MTMR3: variants seen among roughly 807,000 people sequenced by gnomAD.
MTMR3 encodes phosphatidylinositol-3,5-bisphosphate 3-phosphatase MTMR3.
MTMR3 carries 32 observed loss-of-function variants against 132.4 expected under a neutral mutation model. The observed-to-expected ratio is 0.24, with a 90% CI of 0.18 to 0.32. The LOEUF (loss-of-function observed/expected upper bound fraction) is 0.32, where lower values mean the gene tolerates loss of function less well. MTMR3 is among the 10% of genes least tolerant of loss of function. MTMR3 has a pLI of 1.00. For missense variants in MTMR3, 1,216 were observed against 1,489.6 expected, an observed-to-expected ratio of 0.82 and a Z score of 3.02; for synonymous variants, 556 against 550.3, an observed-to-expected ratio of 1.01 and a Z score of -0.14.
At chr22:29,986,140 C>A in intron 5 of MTMR3, 1 of 152,342 alleles carries the variant, frequency 6.6e-6, no homozygotes, top group South Asian at 2.1e-4. Flanking sequence ...CCAGACTCTT[C>A]CCAGGCCCCA....
intron 1 of MTMR3, among the ~76,000 whole-genome samples, chr22:29,915,439 T>G (rs1196328073): frequency 6.6e-6 from 1 of 152,198 alleles, no homozygotes; most frequent in African/African-American, 2.4e-5. Flanking sequence ...GTTCATTCAT[T>G]GAGATGGAGT....
At chr22:30,021,931 C>T (rs1460626619) in intron 17 of MTMR3, 98 bp from the exon 18 acceptor site, 6 of 924,282 alleles carry the variant, frequency 6.5e-6, no homozygotes, top group African/African-American at 4.9e-5. Context: ...GCACTCGGCC[C>T]CACCCAGAGT....
chr22:29,923,948 A>T (rs751041284), intron 1 of MTMR3, among the ~76,000 whole-genome samples: 2 of 152,178 alleles, frequency 1.3e-5, no homozygotes, highest in Non-Finnish European at 2.9e-5. Context: ...ACATTCCTTA[A>T]CAGATATGTA....
intron 1 of MTMR3, among the ~76,000 whole-genome samples, chr22:29,915,964 A>C (rs1785157627): frequency 6.6e-6 from 1 of 152,128 alleles, no homozygotes; most frequent in Non-Finnish European, 1.5e-5. Flanking sequence ...CCTTTAACTT[A>C]CGACATTCTG....
intron 5 of MTMR3, chr22:29,980,330 C>T (rs1340036360): frequency 1.3e-5 from 2 of 152,058 alleles, no homozygotes; most frequent in Non-Finnish European, 2.9e-5. Flanking sequence ...TAGATTTGGG[C>T]CATGATTATA....
At chr22:29,891,839 T>G (rs1486563200) in intron 1 of MTMR3, among the ~76,000 whole-genome samples, 2 of 152,092 alleles carry the variant, frequency 1.3e-5, no homozygotes, top group African/African-American at 4.8e-5. Flanking sequence ...CCAGTTTAGT[T>G]GGATCATGAA....
rs139667893 is a variant in MTMR3, at chr22:29,979,164, G to A, written c.210+112G>A. 3.3e-3 allele frequency: 2,489 copies of A among 755,052 alleles called. 8 individuals are homozygous for A. Among genetic ancestry groups the A allele is most frequent in the Non-Finnish European group, 4.3e-3 (1,875 of 439,960 alleles). The allele number at this position is 755,052 out of a possible 1,614,324, so 46.8% of individuals were successfully genotyped here. A position where few individuals can be genotyped will look rare whatever the true frequency, so the allele number is the denominator to read the frequency against. On this transcript the variant is annotated intron_variant, in intron 5 of 19. Transcript: ENST00000401950. ...ACAGAATTGGGAGAGAAAGCATTATGTGCTCTGCTTTTCTCACTTAATTTA... is the reference window on the plus strand; with the variant it reads ...ACAGAATTGGGAGAGAAAGCATTATATGCTCTGCTTTTCTCACTTAATTTA...
intron 7 of MTMR3, chr22:29,994,735 T>G (rs1305132453): frequency 6.6e-6 from 1 of 152,160 alleles, no homozygotes; most frequent in Non-Finnish European, 1.5e-5. Context: ...AATGAGAAAA[T>G]TACATAATTG....
intron 1 of MTMR3, among the ~76,000 whole-genome samples, chr22:29,931,024 A>C (rs1295178393): frequency 1.3e-5 from 2 of 151,972 alleles, no homozygotes. Flanking sequence ...AAAAAAAAAA[A>C]AAAAAAAACT....
At chr22:29,998,025 C>T (rs1294728426) in intron 7 of MTMR3, 3 of 152,172 alleles carry the variant, frequency 2.0e-5, no homozygotes, top group Non-Finnish European at 2.9e-5. Context: ...TGTATTGCTA[C>T]TCGTGGTGAT....
chr22:29,993,573 C>T (rs912891337), intron 7 of MTMR3: 1 of 152,240 alleles, frequency 6.6e-6, no homozygotes, highest in African/African-American at 2.4e-5. Flanking sequence ...GGGTTGCCAG[C>T]ATTTACTCAG....
At chr22:29,969,218 C>G (rs918422242) in intron 2 of MTMR3, among the ~76,000 whole-genome samples, 1 of 152,156 alleles carries the variant, frequency 6.6e-6, no homozygotes, top group South Asian at 2.1e-4. Context: ...CTGCATGGCA[C>G]GAGAAGAATA....
Position 29,982,937 on chromosome 22 carries a change from TTGTGTGTGTGTGTGTGTGTGTGTG to T in MTMR3, c.210+3901_210+3924del, listed in dbSNP as rs144471515. ...AATTCATGAACGTTTAAAAGTTTGT[TTGTGTGTGTGTGTGTGTGTGTGTG>T]TGTGTGTGTGTGTGTATGTGTTTGT... is the stretch of plus-strand genomic sequence containing the variant. On this transcript the variant is annotated intron_variant, in intron 5 of 19. Coordinates refer to ENST00000401950, the MANE Select transcript of MTMR3 (RefSeq NM_021090.4). The T allele has an allele frequency of 8.5e-4, 125 of 146,388 alleles. 1 individual carries two copies. The highest frequency in any genetic ancestry group is 3.0e-3 in the African/African-American group (118 of 39,090). The allele number at this position is 146,388 out of a possible 1,614,324, so 9.1% of individuals were successfully genotyped here. A position where few individuals can be genotyped will look rare whatever the true frequency, so the allele number is the denominator to read the frequency against.
intron 1 of MTMR3, among the ~76,000 whole-genome samples, chr22:29,928,960 T>G (rs928481183): frequency 6.6e-6 from 1 of 152,136 alleles, no homozygotes; most frequent in Non-Finnish European, 1.5e-5. Flanking sequence ...CTTTAGCAGT[T>G]TTACCATTAT....
rs114763505 is a variant in MTMR3, at chr22:29,966,893, G to A, written c.-84-4083G>A. Among the ~76,000 whole-genome samples the A allele has an allele frequency of 4.5e-3, 681 of 152,078 alleles. 6 individuals are homozygous for A. Among genetic ancestry groups the A allele is most frequent in the African/African-American group, 0.015 (642 of 41,482 alleles). On this transcript the variant is annotated intron_variant, in intron 2 of 19. Transcript: ENST00000401950. ...AAATTATTTCATTTTTAGCTAGTGA[G>A]TCTCTTCAAATTGACTCCCAATTAT...
intron 1 of MTMR3, among the ~76,000 whole-genome samples, chr22:29,911,404 G>A (rs904475251): frequency 1.3e-5 from 2 of 152,068 alleles, no homozygotes; most frequent in African/African-American, 2.4e-5. Flanking sequence ...TTAGCCAGGT[G>A]TGGTAGCACA....
chr22:29,932,359 C>T (rs1371269535), intron 1 of MTMR3, among the ~76,000 whole-genome samples: 1 of 152,130 alleles, frequency 6.6e-6, no homozygotes, highest in African/African-American at 2.4e-5. Flanking sequence ...TGTCATCTGT[C>T]CCCAGAGTGC....
chr22:29,951,604 A>G (rs2066080657), intron 1 of MTMR3, among the ~76,000 whole-genome samples: 1 of 152,234 alleles, frequency 6.6e-6, no homozygotes, highest in Non-Finnish European at 1.5e-5. Flanking sequence ...TGGAAACGCC[A>G]CTAAATGAAG....
chr22:29,967,248 C>T (rs1299315251), intron 2 of MTMR3, among the ~76,000 whole-genome samples: 3 of 149,044 alleles, frequency 2.0e-5, no homozygotes, highest in Non-Finnish European at 4.4e-5. Context: ...CGCGCGCGCG[C>T]GCATGTTTTT....
Sources: allele counts gnomAD v4.1 joint callset (sites outside exome capture counted in the v4.1 genomes callset), GRCh38; gene constraint gnomAD v4.1.1; transcripts MANE v1.5; gene names NCBI Gene and HGNC (gene_info 2026-07-23, HGNC 2026-07-21).